HIP1: variants seen among roughly 807,000 people sequenced by gnomAD.
HIP1 encodes huntingtin-interacting protein 1.
In HIP1, 65 loss-of-function variants were observed where a neutral mutation model predicts 147.6. The observed-to-expected ratio is 0.44, with a 90% CI of 0.36 to 0.54. The LOEUF is 0.54. Ranked by LOEUF, HIP1 falls within the 20% of genes least tolerant of loss-of-function variation. The probability of loss-of-function intolerance (pLI) is 0.00; values close to 1 mark genes in which losing one functional copy is unlikely to be tolerated. For missense variants in HIP1, 1,061 were observed against 1,299.6 expected, an observed-to-expected ratio of 0.82 and a Z score of 2.82; for synonymous variants, 479 against 504.0, an observed-to-expected ratio of 0.95 and a Z score of 0.67.
chr7:75,613,521 C>A (rs1797522665), intron 1 of HIP1, among the ~76,000 whole-genome samples: 1 of 152,122 alleles, frequency 6.6e-6, no homozygotes, highest in African/African-American at 2.4e-5. Flanking sequence ...CCAGGCACTG[C>A]ACTGGTAATT....
chr7:75,543,956 A>C (rs1216902296), intron 27 of HIP1, among the ~76,000 whole-genome samples: 2 of 152,132 alleles, frequency 1.3e-5, no homozygotes, highest in African/African-American at 4.8e-5. Flanking sequence ...GTGGATCACA[A>C]GGTCAGGAGA....
intron 2 of HIP1, among the ~76,000 whole-genome samples, chr7:75,597,449 G>A (rs1431979525): frequency 2.0e-5 from 3 of 152,106 alleles, no homozygotes; most frequent in African/African-American, 4.8e-5. Context: ...GGCTGGGTGC[G>A]GCCTCCGAAG....
rs144796469 is a variant in HIP1 at position 75,646,435 on chromosome 7, G to A, written c.121-47188C>T. The stretch of plus-strand genomic sequence containing the variant: ...GCTGTGCAGTGCTTTGCTGACCACA[G>A]GGTCTACAAGTGCAAGGCACTCACC... On this transcript the variant is annotated intron_variant, in intron 1 of 30. Coordinates refer to ENST00000336926, the MANE Select transcript of HIP1 (RefSeq NM_005338.7). Among the ~76,000 whole-genome samples the A allele has an allele frequency of 4.6e-5, 7 of 152,362 alleles. No individual in the cohort carries two copies. The East Asian group carries it at 1.3e-3, about 29-fold the overall frequency.
chr7:75,681,664 G>A (rs1800076067), intron 1 of HIP1, among the ~76,000 whole-genome samples: 1 of 151,738 alleles, frequency 6.6e-6, no homozygotes, highest in Non-Finnish European at 1.5e-5. Flanking sequence ...ATACCACCAC[G>A]CATGGCTAAT....
Position 75,650,453 on chromosome 7 carries a change from C to CTTTTTTTTTTTTT in HIP1, c.121-51219_121-51207dup, listed in dbSNP as rs782108312. On this transcript the variant is annotated intron_variant, in intron 1 of 30. Transcript: ENST00000336926. ...CAGGGATGTGTCTCTGCCCAGTTAT[C>CTTTTTTTTTTTTT]TTTTTTTTTTTTTTTTTGAGACAGA... 9.6e-3 allele frequency among the ~76,000 whole-genome samples: 1,215 copies of CTTTTTTTTTTTTT among 126,370 alleles called. 63 individuals are homozygous for CTTTTTTTTTTTTT. The highest frequency in any genetic ancestry group is 0.03 in the African/African-American group (982 of 32,386). The allele number at this position is 126,370 out of a possible 152,430, so 82.9% of individuals were successfully genotyped here. A position where few individuals can be genotyped will look rare whatever the true frequency, so the allele number is the denominator to read the frequency against.
At chr7:75,553,309 T>C in intron 22 of HIP1, 144 bp downstream of exon 22, 1 of 1,083,230 alleles carries the variant, frequency 9.2e-7, no homozygotes. Flanking sequence ...CCCGGCCAGA[T>C]TTTCCAATTT....
At chr7:75,665,227 A>G (rs56082477) in intron 1 of HIP1, among the ~76,000 whole-genome samples, 6,088 of 152,122 alleles carry the variant, frequency 0.04, 172 homozygotes, top group Middle Eastern at 0.078. Flanking sequence ...AAGCCACTGC[A>G]CTCCAGCCTG....
intron 1 of HIP1, among the ~76,000 whole-genome samples, chr7:75,677,303 G>A (rs1167307839): frequency 6.6e-6 from 1 of 151,018 alleles, no homozygotes; most frequent in Non-Finnish European, 1.5e-5. Context: ...TTTAAGTAAG[G>A]TCAAAAAAGA....
chr7:75,663,936 A>ATATATATATACACATATATGTG (rs1563277842), intron 1 of HIP1, among the ~76,000 whole-genome samples: 4,364 of 25,132 alleles, frequency 0.17, 1,733 homozygotes, highest in Middle Eastern at 0.26. Flanking sequence ...GTATGTGTGT[A>ATATATATATACACATATATGTG]TATATATATA....
rs80074451 is a variant in HIP1, at chr7:75,621,067, A to C, written c.121-21820T>G. Among the ~76,000 whole-genome samples, 1,274 of 152,182 alleles carry C rather than the reference A, an allele frequency of 8.4e-3. 15 individuals carry two copies. The highest frequency in any genetic ancestry group is 0.038 in the Middle Eastern group (11 of 292). On this transcript the variant is annotated intron_variant, in intron 1 of 30. Transcript: ENST00000336926. Reference sequence around the variant, plus strand: ...TGACATAGCAAGATCCTGTCTCTACAAAAAAATTTAAAATGAAAAAATTAG... The same window carrying C: ...TGACATAGCAAGATCCTGTCTCTACCAAAAAATTTAAAATGAAAAAATTAG...
At chr7:75,608,582 A>T (rs1348473666) in intron 1 of HIP1, among the ~76,000 whole-genome samples, 1 of 152,216 alleles carries the variant, frequency 6.6e-6, no homozygotes, top group African/African-American at 2.4e-5. Flanking sequence ...GAAAATTTAG[A>T]GAAATATCAG....
Position 75,556,829 on chromosome 7 carries a change from C to G in HIP1, c.1582-18G>C. 1 of 1,443,762 alleles carries G rather than the reference C, an allele frequency of 6.9e-7. No homozygotes were observed. Among genetic ancestry groups the G allele is most frequent in the Non-Finnish European group, 9.7e-7 (1 of 1,026,036 alleles). 89.4% of individuals were successfully genotyped at this position (1,443,762 alleles called of 1,614,324 possible). A position where few individuals can be genotyped will look rare whatever the true frequency, so the allele number is the denominator to read the frequency against. On this transcript the variant is annotated intron_variant, in intron 16 of 30. Coordinates refer to ENST00000336926, the MANE Select transcript of HIP1 (RefSeq NM_005338.7). ...TCTTGAGTCTGAAAGAGAAGAAAAA[C>G]AGAGGGACTCTGATCTGGGTGACAG...
chr7:75,607,228 G>GTTT (rs202211589), intron 1 of HIP1, among the ~76,000 whole-genome samples: 2 of 139,458 alleles, frequency 1.4e-5, no homozygotes, highest in African/African-American at 5.8e-5. Context: ...GTTGTTTTTT[G>GTTT]TTTTGTTTTT....
chr7:75,613,317 C>T (rs1300361047), intron 1 of HIP1, among the ~76,000 whole-genome samples: 8 of 152,052 alleles, frequency 5.3e-5, no homozygotes, highest in Non-Finnish European at 1.0e-4. Context: ...AGAGCGTCCC[C>T]ACCGTGGGGA....
intron 1 of HIP1, among the ~76,000 whole-genome samples, chr7:75,693,024 G>C (rs1800512137): frequency 6.6e-6 from 1 of 151,888 alleles, no homozygotes; most frequent in East Asian, 1.9e-4. Context: ...AACTAGCCAG[G>C]CGTGGTGCTA....
chr7:75,737,093 A>T (rs1802045295), intron 1 of HIP1, among the ~76,000 whole-genome samples: 2 of 151,896 alleles, frequency 1.3e-5, no homozygotes, highest in African/African-American at 4.8e-5. Context: ...GGATAATTTT[A>T]AAATTTTTTC....
chr7:75,693,151 C>T (rs1467649794), intron 1 of HIP1, among the ~76,000 whole-genome samples: 4 of 148,996 alleles, frequency 2.7e-5, no homozygotes, highest in East Asian at 2.0e-4. Flanking sequence ...GGTAACAGAG[C>T]GAAACCCTGT....
chr7:75,656,391 T>C (rs1411503849), intron 1 of HIP1, among the ~76,000 whole-genome samples: 1 of 151,364 alleles, frequency 6.6e-6, no homozygotes, highest in Non-Finnish European at 1.5e-5. Context: ...ACATCCTAGC[T>C]TGCGTAAGGA....
intron 6 of HIP1, 105 bp downstream of exon 6, chr7:75,581,970 C>G: frequency 1.1e-6 from 1 of 906,492 alleles, no homozygotes; most frequent in Middle Eastern, 2.2e-4. Context: ...TGGTCCCCAT[C>G]CCAGCCACGG....
Sources: allele counts gnomAD v4.1 joint callset (sites outside exome capture counted in the v4.1 genomes callset), GRCh38; gene constraint gnomAD v4.1.1; transcripts MANE v1.5; gene names NCBI Gene and HGNC (gene_info 2026-07-23, HGNC 2026-07-21).